Variants in FBXL4 observed in about 807,000 individuals in gnomAD.
FBXL4 encodes F-box and leucine rich repeat protein 4.
A neutral mutation model predicts 58.9 loss-of-function variants in FBXL4; 40 were observed. The ratio of observed to expected loss-of-function variants is 0.68; its 90% confidence interval spans 0.53 to 0.88. The LOEUF is 0.88. FBXL4 is among the 40% of genes least tolerant of loss of function. The probability of loss-of-function intolerance (pLI) is 0.00; values close to 1 mark genes in which losing one functional copy is unlikely to be tolerated. For missense variants in FBXL4, 676 were observed against 734.4 expected, an observed-to-expected ratio of 0.92 and a Z score of 0.92; for synonymous variants, 263 against 265.5, an observed-to-expected ratio of 0.99 and a Z score of 0.09.
At chr6:98,898,049 T>G (rs1013453815) in intron 7 of FBXL4, among the ~76,000 whole-genome samples, 11 of 151,212 alleles carry the variant, frequency 7.3e-5, no homozygotes, top group Non-Finnish European at 1.0e-4. Context: ...TTTCAGAGAG[T>G]GACAAGGATG....
rs1484182348 is a variant in FBXL4, at chr6:98,927,016, G to T, written c.-28C>A. The stretch of plus-strand genomic sequence containing the variant: ...AGATGTGAATTATGAAGCTTCAAAA[G>T]GTCAGGTGTCCTCAGTAAGATGCAT... On this transcript the variant is annotated 5_prime_UTR_variant, in exon 4 of 10. Transcript: ENST00000369244. 1 of 1,603,028 alleles carries T rather than the reference G, an allele frequency of 6.2e-7. No individual in the cohort carries two copies. Among genetic ancestry groups the T allele is most frequent in the South Asian group, 1.1e-5 (1 of 89,962 alleles).
At chr6:98,931,858 T>C (rs1050223764) in intron 2 of FBXL4, among the ~76,000 whole-genome samples, 2 of 152,198 alleles carry the variant, frequency 1.3e-5, no homozygotes, top group Non-Finnish European at 2.9e-5. Context: ...TCAGGACTCA[T>C]GTGGAGAGCT....
rs200440128 is a variant in FBXL4, at chr6:98,926,925, G to A, written c.64C>T (p.Arg22Ter). The stretch of plus-strand genomic sequence containing the variant: ...TCTCCTCTTGTAGCTGTCCTGGCTC[G>A]GCGCCGAAGGCATATATAATAAAAC... Reference protein sequence around the residue: ...TMFYYICLRRRARTATRGEMM... With the variant: ...TMFYYICLRR Residue 22 changes from arginine (R) to a stop codon, truncating the protein, a stop_gained, in exon 4 of 10, where the codon CGA (arginine) becomes TGA (stop). Transcript: ENST00000369244. LOFTEE classifies it high-confidence loss of function. The A allele has an allele frequency of 1.6e-4, 261 of 1,613,916 alleles. No homozygotes were observed. Among genetic ancestry groups the A allele is most frequent in the Non-Finnish European group, 2.0e-4 (239 of 1,179,994 alleles).
rs990596769 is a variant in FBXL4 at position 98,875,501 on chromosome 6, A to T, written c.1616T>A (p.Phe539Tyr). Residue 539 changes from phenylalanine to tyrosine, a missense_variant, in exon 9 of 10, where the codon TTT becomes TAT. By Grantham distance (22) the Phe-to-Tyr change is conservative. Coordinates refer to ENST00000369244, the MANE Select transcript of FBXL4 (RefSeq NM_001278716.2). ...AHQLPNLQKL[F>Y]LTANRSVCDT... ...ACACACAGATCTATTAGCTGTAAGA[A>T]AGAGTTTTTGCAAGTTTGGGAGCTG... 6.2e-6 allele frequency: 10 copies of T among 1,614,032 alleles called. No homozygotes were observed. Among genetic ancestry groups the T allele is most frequent in the Non-Finnish European group, 8.5e-6 (10 of 1,180,012 alleles).
At position 98,878,501 on chromosome 6, in the gene FBXL4, C is replaced by G. The variant is rs35050095; in HGVS notation, c.1389+2052G>C. 8.2e-3 allele frequency among the ~76,000 whole-genome samples: 1,254 copies of G among 152,158 alleles called. 7 individuals are homozygous for G. The highest frequency in any genetic ancestry group is 0.014 in the Non-Finnish European group (931 of 68,008). ...GGACTATAGGTTTGAGCAACCATAC[C>G]TGGCTTCCTAATTTCATTAGGAATC... is the stretch of plus-strand genomic sequence containing the variant. On this transcript the variant is annotated intron_variant, in intron 8 of 9. Transcript: ENST00000369244.
At chr6:98,892,219 T>G (rs1771256618) in intron 7 of FBXL4, among the ~76,000 whole-genome samples, 1 of 152,236 alleles carries the variant, frequency 6.6e-6, no homozygotes, top group Non-Finnish European at 1.5e-5. Context: ...TATCTTTCTG[T>G]TTTACATATT....
At chr6:98,896,122 T>C (rs1266467900) in intron 7 of FBXL4, among the ~76,000 whole-genome samples, 1 of 152,168 alleles carries the variant, frequency 6.6e-6, no homozygotes, top group Non-Finnish European at 1.5e-5. Flanking sequence ...TTGAAATCAA[T>C]TACTGCTCCT....
intron 1 of FBXL4, among the ~76,000 whole-genome samples, chr6:98,941,064 C>T (rs195829): frequency 0.28 from 42,854 of 151,928 alleles, 6,454 homozygotes; most frequent in East Asian, 0.5. Flanking sequence ...AATCCCATTC[C>T]GAGGTATTTA....
At chr6:98,909,616 A>C (rs1449876971) in intron 5 of FBXL4, among the ~76,000 whole-genome samples, 2 of 152,180 alleles carry the variant, frequency 1.3e-5, no homozygotes, top group East Asian at 3.9e-4. Flanking sequence ...AGTTTTTGCA[A>C]GTGGGTAAGA....
chr6:98,893,915 T>C (rs1464008960), intron 7 of FBXL4, among the ~76,000 whole-genome samples: 2 of 152,202 alleles, frequency 1.3e-5, no homozygotes, highest in Non-Finnish European at 2.9e-5. Context: ...TCTTGCTCTG[T>C]CACTCAGGCT....
At chr6:98,899,631 C>G in intron 6 of FBXL4, 150 bp from the exon 7 acceptor site, 1 of 910,850 alleles carries the variant, frequency 1.1e-6, no homozygotes, top group South Asian at 2.0e-5. Context: ...AATTCTTATT[C>G]ACTGCATACT....
chr6:98,934,802 C>T lies in FBXL4; in HGVS notation c.-231G>A, dbSNP rs1033053691. ...CAAGAGGAAGACTGGAGACTCCTAT[C>T]CAGCTTCAAAGCTTCTTGAAAATCC... is the stretch of plus-strand genomic sequence containing the variant. On this transcript the variant is annotated 5_prime_UTR_variant, in exon 2 of 10. Coordinates refer to ENST00000369244, the MANE Select transcript of FBXL4 (RefSeq NM_001278716.2). The T allele has an allele frequency of 2.6e-5, 4 of 152,158 alleles. No homozygotes were observed. Among genetic ancestry groups the T allele is most frequent in the African/African-American group, 9.7e-5 (4 of 41,414 alleles). 9.4% of individuals were successfully genotyped at this position (152,158 alleles called of 1,614,324 possible).
chr6:98,913,589 C>T (rs935772912), intron 5 of FBXL4, among the ~76,000 whole-genome samples: 21 of 152,142 alleles, frequency 1.4e-4, no homozygotes, highest in Admixed American at 1.0e-3. Flanking sequence ...GAAATGAAGG[C>T]AGAAATAAAG....
chr6:98,939,438 A>C (rs1015496131), intron 1 of FBXL4, among the ~76,000 whole-genome samples: 18 of 152,328 alleles, frequency 1.2e-4, no homozygotes, highest in South Asian at 4.1e-4. Flanking sequence ...TAGAGTCTAC[A>C]AGCATGTCTT....
chr6:98,917,313 T>C (rs1004540303), intron 5 of FBXL4, 61 bp downstream of exon 5: 113 of 1,111,684 alleles, frequency 1.0e-4, no homozygotes, highest in Non-Finnish European at 1.3e-4. Context: ...AACATTAATA[T>C]CTAAAGATTA....
chr6:98,917,277 C>A, intron 5 of FBXL4, 97 bp downstream of exon 5: 2 of 812,710 alleles, frequency 2.5e-6, no homozygotes, highest in South Asian at 2.5e-5. Context: ...TATAACTTAC[C>A]AATGCTCAAT....
At chr6:98,925,189 G>C (rs1343697851) in intron 4 of FBXL4, among the ~76,000 whole-genome samples, 1 of 152,146 alleles carries the variant, frequency 6.6e-6, no homozygotes, top group Non-Finnish European at 1.5e-5. Context: ...AATTTTAACA[G>C]TTAACATGAG....
intron 7 of FBXL4, among the ~76,000 whole-genome samples, chr6:98,884,194 T>A (rs2128381067): frequency 6.6e-6 from 1 of 152,186 alleles, no homozygotes; most frequent in African/African-American, 2.4e-5. Flanking sequence ...TATATATAAA[T>A]CCTCACAACA....
chr6:98,929,970 A>G (rs556488138), intron 2 of FBXL4, among the ~76,000 whole-genome samples: 17 of 152,324 alleles, frequency 1.1e-4, no homozygotes, highest in African/African-American at 4.1e-4. Flanking sequence ...ATCCCACCCT[A>G]TCCTCATGCC....
Sources: gnomAD v4.1 joint callset for allele counts (sites outside exome capture counted in the v4.1 genomes callset) on GRCh38, gnomAD v4.1.1 for gene constraint, MANE v1.5 for transcripts, NCBI Gene and HGNC (gene_info 2026-07-23, HGNC 2026-07-21) for gene names.